KDM2A: variants seen among roughly 807,000 people sequenced by gnomAD.
The protein encoded by KDM2A is lysine-specific demethylase 2A.
Under a neutral mutation model 137.3 loss-of-function variants are expected in KDM2A, and 3 were observed. The observed-to-expected ratio is 0.02, with a 90% CI of 0.01 to 0.06. KDM2A has a LOEUF of 0.06. KDM2A is among the 10% of genes least tolerant of loss of function. The pLI, the probability that KDM2A is intolerant of heterozygous loss-of-function variation, is 1.00. For synonymous variants in KDM2A, 512 were observed against 541.5 expected (o/e 0.95, Z 0.76); for missense variants, 738 against 1,510.6 (o/e 0.49, Z 8.48).
intron 15 of KDM2A, among the ~76,000 whole-genome samples, chr11:67,247,098 T>G: frequency 8.9e-6 from 1 of 112,346 alleles, no homozygotes; most frequent in South Asian, 3.2e-4. Context: ...TTTTTTTTTT[T>G]TTTTTTTGGA....
intron 12 of KDM2A, chr11:67,240,417 C>T (rs754175045): frequency 2.0e-6 from 3 of 1,475,124 alleles, no homozygotes; most frequent in Admixed American, 4.3e-5. Flanking sequence ...GTGCGTGTAA[C>T]TATAGGGACT....
At chr11:67,200,448 A>G (rs981650104) in intron 5 of KDM2A, among the ~76,000 whole-genome samples, 1 of 152,026 alleles carries the variant, frequency 6.6e-6, no homozygotes, top group South Asian at 2.1e-4. Flanking sequence ...CGATCTCCTC[A>G]CCTCATGATC....
intron 5 of KDM2A, among the ~76,000 whole-genome samples, chr11:67,189,602 G>T (rs1277316466): frequency 6.6e-6 from 1 of 152,188 alleles, no homozygotes; most frequent in African/African-American, 2.4e-5. Context: ...CACTTTGGCA[G>T]GCTGAGGCCG....
chr11:67,141,229 C>T (rs553512653), intron 2 of KDM2A, among the ~76,000 whole-genome samples: 6 of 152,080 alleles, frequency 3.9e-5, no homozygotes, highest in African/African-American at 1.2e-4. Context: ...ACAATTTTTC[C>T]ATATTGTTTT....
At position 67,254,493 on chromosome 11, in the gene KDM2A, A is replaced by C; in HGVS notation, c.3307+75A>C. The C allele has an allele frequency of 7.8e-7, 1 of 1,290,240 alleles. No individual in the cohort carries two copies. The highest frequency in any genetic ancestry group is 1.1e-6 in the Non-Finnish European group (1 of 892,918). 79.9% of individuals were successfully genotyped at this position (1,290,240 alleles called of 1,614,324 possible). On this transcript the variant is annotated intron_variant, in intron 20 of 20. Transcript: ENST00000529006. This position sits in a 1 kb window ranked among gnomAD's most constrained non-coding sequence, Gnocchi z 4.7. The stretch of plus-strand genomic sequence containing the variant: ...CTCCCTGGAACTTGATCAGTAAACC[A>C]GAATGACCTTGGGTCTGTTGATTGA...
Position 67,153,393 on chromosome 11 carries a change from C to T in KDM2A, c.43-26686C>T, listed in dbSNP as rs374533543. On this transcript the variant is annotated intron_variant, in intron 2 of 20. Transcript: ENST00000529006. ...TGTATTCCTCAACCCAGTTTTTAGA[C>T]ACCCTGGCTCCCAAAGAATGAGGGA... Among the ~76,000 whole-genome samples, 157 of 152,282 alleles carry T rather than the reference C, an allele frequency of 1.0e-3. No homozygotes were observed. The Middle Eastern group carries it at 0.024, about 23-fold the overall frequency.
At chr11:67,212,027 A>G (rs1858010194) in intron 6 of KDM2A, among the ~76,000 whole-genome samples, 1 of 152,200 alleles carries the variant, frequency 6.6e-6, no homozygotes, top group South Asian at 2.1e-4. Flanking sequence ...CAGGCAAAGT[A>G]GCACATGCCT....
chr11:67,157,087 G>A (rs575517668), intron 2 of KDM2A, among the ~76,000 whole-genome samples: 5 of 152,078 alleles, frequency 3.3e-5, no homozygotes, highest in Non-Finnish European at 7.4e-5. Context: ...GCCGAGAAGG[G>A]CCGATCACGA....
intron 19 of KDM2A, 80 bp downstream of exon 19, chr11:67,253,691 G>A: frequency 1.4e-6 from 2 of 1,442,572 alleles, no homozygotes; most frequent in Non-Finnish European, 1.9e-6. Flanking sequence ...CAGAAGCTAA[G>A]GTAGTCTCAG....
At chr11:67,189,020 A>G (rs1162450328) in intron 5 of KDM2A, among the ~76,000 whole-genome samples, 1 of 152,146 alleles carries the variant, frequency 6.6e-6, no homozygotes, top group Non-Finnish European at 1.5e-5. Flanking sequence ...AACCAGACAG[A>G]AAATAAGTAA....
chr11:67,161,477 A>C (rs1856636810), intron 2 of KDM2A, among the ~76,000 whole-genome samples: 1 of 152,208 alleles, frequency 6.6e-6, no homozygotes, highest in African/African-American at 2.4e-5. Flanking sequence ...TTTTTAACTG[A>C]CCTGTAGCAG....
At chr11:67,202,167 T>C (rs533585541) in intron 5 of KDM2A, among the ~76,000 whole-genome samples, 1 of 152,326 alleles carries the variant, frequency 6.6e-6, no homozygotes, top group Admixed American at 6.5e-5. Context: ...ACTGAATTGC[T>C]GCAATCTATA....
At chr11:67,158,706 G>A (rs768568185) in intron 2 of KDM2A, among the ~76,000 whole-genome samples, 2 of 151,850 alleles carry the variant, frequency 1.3e-5, no homozygotes, top group Non-Finnish European at 2.9e-5. Flanking sequence ...TATGTTACCC[G>A]GGCTGGTCTT....
At chr11:67,204,702 A>C (rs1159197741) in intron 5 of KDM2A, among the ~76,000 whole-genome samples, 1 of 152,036 alleles carries the variant, frequency 6.6e-6, no homozygotes, top group African/African-American at 2.4e-5. Context: ...CGTGATAGCC[A>C]GGATGGTCTT....
intron 15 of KDM2A, among the ~76,000 whole-genome samples, chr11:67,247,067 ATATATTTTTTTTTTTT>A (rs1859260581): frequency 7.3e-5 from 2 of 27,512 alleles, no homozygotes; most frequent in African/African-American, 1.5e-4. Context: ...ATATATATAT[ATATATTTTTTTTTTTT>A]TTTTTTTTTT....
At chr11:67,247,051 ATATATATATATATATATATATTTTTT>A (rs1859248225) in intron 15 of KDM2A, among the ~76,000 whole-genome samples, 2 of 19,602 alleles carry the variant, frequency 1.0e-4, no homozygotes, top group Admixed American at 9.0e-4. Flanking sequence ...ATATATATAT[ATATATATATATATATATATATTTTTT>A]TTTTTTTTTT....
At chr11:67,169,921 C>T (rs1042024658) in intron 2 of KDM2A, among the ~76,000 whole-genome samples, 2 of 151,618 alleles carry the variant, frequency 1.3e-5, no homozygotes, top group Non-Finnish European at 2.9e-5. Context: ...CCATGGCAGG[C>T]TAATTTTTGT....
At chr11:67,135,079 TCCC>T (rs1335381654) in intron 2 of KDM2A, among the ~76,000 whole-genome samples, 1 of 151,828 alleles carries the variant, frequency 6.6e-6, no homozygotes, top group Admixed American at 6.6e-5. Flanking sequence ...TTTTTTTTTT[TCCC>T]CCTGAGACGG....
intron 2 of KDM2A, among the ~76,000 whole-genome samples, chr11:67,144,045 G>A (rs946643173): frequency 6.6e-6 from 1 of 151,650 alleles, no homozygotes; most frequent in Non-Finnish European, 1.5e-5. Context: ...GGGTTCAAGC[G>A]ATTCTCCTGC....
Sources: allele counts gnomAD v4.1 joint callset (sites outside exome capture counted in the v4.1 genomes callset), GRCh38; gene constraint gnomAD v4.1.1; non-coding constraint Gnocchi (gnomAD v3.1); transcripts MANE v1.5; gene names NCBI Gene and HGNC (gene_info 2026-07-23, HGNC 2026-07-21).